SEC24D: variants seen among roughly 807,000 people sequenced by gnomAD.
SEC24D encodes the protein SEC24 homolog D, COPII component, also known as protein transport protein Sec24D.
Under a neutral mutation model 116.9 loss-of-function variants are expected in SEC24D, and 69 were observed. The ratio of observed to expected loss-of-function variants is 0.59; its 90% CI spans 0.49 to 0.72. The LOEUF (loss-of-function observed/expected upper bound fraction) is 0.72, where lower values mean the gene tolerates loss of function less well. SEC24D is among the 30% of genes least tolerant of loss of function. SEC24D has a pLI of 0.00. For synonymous variants in SEC24D, 405 were observed against 442.8 expected (o/e 0.91, Z 1.07); for missense variants, 1,131 against 1,264.1 (o/e 0.89, Z 1.60).
At position 118,801,679 on chromosome 4, in the gene SEC24D, ATT is replaced by A. The variant is rs908092760; in HGVS notation, c.914-3871_914-3870del. ...TACCAATAAAATATTGAAGCTGGAT[ATT>A]TGTTACCTTTAAAGGGTTTATTTTT... On this transcript the variant is annotated intron_variant, in intron 7 of 22. Transcript: ENST00000280551. 3.3e-5 allele frequency among the ~76,000 whole-genome samples: 5 copies of A among 152,204 alleles called. No homozygotes were observed. In the South Asian group the frequency reaches 6.2e-4, roughly 19 times the overall value.
intron 3 of SEC24D, among the ~76,000 whole-genome samples, chr4:118,817,795 T>A (rs1470684644): frequency 6.6e-6 from 1 of 152,058 alleles, no homozygotes; most frequent in African/African-American, 2.4e-5. Flanking sequence ...TCCTAGCACT[T>A]TGGGAGGCTG....
chr4:118,796,492 T>C (rs28514565), intron 8 of SEC24D, among the ~76,000 whole-genome samples: 1,570 of 152,340 alleles, frequency 0.01, 24 homozygotes, highest in African/African-American at 0.036. Flanking sequence ...GCCTCTCCCA[T>C]GACCTACTCT....
chr4:118,802,934 T>A (rs184075581), intron 7 of SEC24D, among the ~76,000 whole-genome samples: 4 of 152,272 alleles, frequency 2.6e-5, no homozygotes, highest in African/African-American at 4.8e-5. Context: ...AATTCTGATA[T>A]ACGCTACAAG....
rs1406740721 is a variant in SEC24D at position 118,728,627 on chromosome 4, G to A, written c.2892C>T (p.Asn964=). The A allele has an allele frequency of 6.2e-7, 1 of 1,609,234 alleles. No homozygotes were observed. Among genetic ancestry groups the A allele is most frequent in the Non-Finnish European group, 8.5e-7 (1 of 1,176,522 alleles). The change falls in exon 22 of 23, where the codon AAC becomes AAT. Residue 964 remains asparagine, a synonymous_variant. Coordinates refer to ENST00000280551, the MANE Select transcript of SEC24D (RefSeq NM_014822.4). ...TCATTCTGAGTTGTTGAGAGTATGG[G>A]TTTCCCACTTCAGGCAGCAATGTCT... ...TDMTLLPEVG[N]PYSQQLRMIM... is the part of the protein sequence containing the mutation.
chr4:118,757,714 G>A lies in SEC24D; in HGVS notation c.1421+7C>T. 1 of 1,604,770 alleles carries A rather than the reference G, an allele frequency of 6.2e-7. No individual in the cohort carries two copies. Among genetic ancestry groups the A allele is most frequent in the Non-Finnish European group, 8.5e-7 (1 of 1,176,676 alleles). The stretch of plus-strand genomic sequence containing the variant: ...ATAAGTTGTAAAAAGAATGACGGTT[G>A]CCTTACTTTGGAATTTTTTCCAGCA... On this transcript the variant is annotated splice_region_variant and intron_variant, in intron 11 of 22. Transcript: ENST00000280551.
intron 19 of SEC24D, chr4:118,735,872 T>A (rs1725932423): frequency 6.6e-6 from 1 of 151,976 alleles, no homozygotes; most frequent in Non-Finnish European, 1.5e-5. Flanking sequence ...TTTTTATTTT[T>A]AGTAGAGGTG....
intron 1 of SEC24D, among the ~76,000 whole-genome samples, chr4:118,835,319 C>T (rs753577454): frequency 1.4e-4 from 21 of 152,210 alleles, no homozygotes; most frequent in Non-Finnish European, 3.1e-4. Flanking sequence ...GTCAAACTTC[C>T]TCACACAGAG....
chr4:118,819,823 A>G (rs1730318275), intron 3 of SEC24D, among the ~76,000 whole-genome samples: 1 of 152,230 alleles, frequency 6.6e-6, no homozygotes, highest in African/African-American at 2.4e-5. Flanking sequence ...AACAGGAGTT[A>G]TAACACAAGC....
Position 118,732,912 on chromosome 4 carries a change from G to C in SEC24D, c.2497C>G (p.Leu833Val). The part of the protein sequence containing the change: ...NCASPSAASQ[L>V]ILPDSMKVLP... ...ACTTTCATGGAATCTGGTAGAATAA[G>C]CTGAAAAAGACAATTTTTTGTTTCA... The change falls in exon 20 of 23, where the codon CTT becomes GTT. Residue 833 changes from leucine (L) to valine (V), a missense_variant and splice_region_variant. Leu to Val is a conservative substitution (Grantham distance 32, BLOSUM62 1). Transcript: ENST00000280551. 1 of 1,612,312 alleles carries C rather than the reference G, an allele frequency of 6.2e-7. No homozygotes were observed. Among genetic ancestry groups the C allele is most frequent in the Non-Finnish European group, 8.5e-7 (1 of 1,178,872 alleles).
intron 11 of SEC24D, among the ~76,000 whole-genome samples, chr4:118,753,562 G>A (rs1726940070): frequency 6.6e-6 from 1 of 151,914 alleles, no homozygotes; most frequent in Non-Finnish European, 1.5e-5. Context: ...GTAACAAAAA[G>A]TAGATTTTTT....
intron 15 of SEC24D, among the ~76,000 whole-genome samples, 191 bp downstream of exon 15, chr4:118,743,797 G>A (rs879039449): frequency 3.9e-5 from 6 of 152,156 alleles, no homozygotes; most frequent in African/African-American, 7.2e-5. Flanking sequence ...TTTTTGATCC[G>A]AGGTTGGTTG....
chr4:118,776,025 T>C (rs1394965968), intron 8 of SEC24D, among the ~76,000 whole-genome samples: 2 of 151,620 alleles, frequency 1.3e-5, no homozygotes, highest in African/African-American at 4.9e-5. Context: ...AGGGCCTACA[T>C]TACAGAGTAA....
intron 8 of SEC24D, among the ~76,000 whole-genome samples, chr4:118,777,844 C>T (rs1000406714): frequency 3.3e-5 from 5 of 152,216 alleles, no homozygotes; most frequent in Admixed American, 6.5e-5. Flanking sequence ...TTTTGACTTG[C>T]ATTTCTTTGA....
intron 2 of SEC24D, among the ~76,000 whole-genome samples, chr4:118,826,810 G>C (rs1280537302): frequency 1.3e-5 from 2 of 151,784 alleles, no homozygotes; most frequent in Admixed American, 1.3e-4. Context: ...TTTTGTTTGG[G>C]AATCAACTCT....
chr4:118,760,208 T>C (rs932707650), intron 10 of SEC24D, among the ~76,000 whole-genome samples: 2 of 152,204 alleles, frequency 1.3e-5, no homozygotes, highest in African/African-American at 4.8e-5. Flanking sequence ...ATTTCAAGCG[T>C]ACAGTTCAGT....
Position 118,757,586 on chromosome 4 carries a change from T to C in SEC24D, c.1421+135A>G. On this transcript the variant is annotated intron_variant, in intron 11 of 22. Transcript: ENST00000280551. ...TTCTAAGGACTCAAAACAATGATGC[T>C]GTTTGATTTATGACTAATTACCCAG... 3 of 671,522 alleles carry C rather than the reference T, an allele frequency of 4.5e-6. No individual in the cohort carries two copies. The South Asian group carries it at 6.1e-5, about 14-fold the overall frequency. The allele number at this position is 671,522 out of a possible 1,614,324, so 41.6% of individuals were successfully genotyped here.
intron 13 of SEC24D, among the ~76,000 whole-genome samples, chr4:118,747,748 C>T (rs1356934571): frequency 4.6e-5 from 7 of 152,136 alleles, no homozygotes; most frequent in Non-Finnish European, 7.4e-5. Context: ...TTAATATTGC[C>T]GTTTTATACT....
chr4:118,748,200 A>T (rs1210894849), intron 13 of SEC24D, among the ~76,000 whole-genome samples: 1 of 152,070 alleles, frequency 6.6e-6, no homozygotes, highest in Non-Finnish European at 1.5e-5. Context: ...TAGGAGGTGG[A>T]GGTTGCAGTG....
intron 8 of SEC24D, among the ~76,000 whole-genome samples, chr4:118,773,350 C>A (rs1236485230): frequency 6.6e-6 from 1 of 152,162 alleles, no homozygotes; most frequent in Non-Finnish European, 1.5e-5. Context: ...ATAAGACCTG[C>A]CAAAATGTTA....
Sources: gnomAD v4.1 joint callset for allele counts (sites outside exome capture counted in the v4.1 genomes callset) on GRCh38, gnomAD v4.1.1 for gene constraint, MANE v1.5 for transcripts, NCBI Gene and HGNC (gene_info 2026-07-23, HGNC 2026-07-21) for gene names.